SLX4: variants seen among roughly 807,000 people sequenced by gnomAD.
SLX4 encodes SLX4 structure-specific endonuclease subunit, also known as structure-specific endonuclease subunit SLX4.
SLX4 carries 112 observed loss-of-function variants against 146.2 expected under a neutral mutation model. The observed-to-expected ratio is 0.77, with a 90% confidence interval of 0.66 to 0.90. The LOEUF is 0.90. Among genes scored for constraint, SLX4 ranks in the 40% least tolerant of loss-of-function variants. The pLI, the probability that SLX4 is intolerant of heterozygous loss-of-function variation, is 0.00. For missense variants in SLX4, 2,563 were observed against 2,392.7 expected, an observed-to-expected ratio of 1.07 and a Z score of -1.49; for synonymous variants, 1,061 against 997.7, an observed-to-expected ratio of 1.06 and a Z score of -1.20.
In SLX4 at chr16:3,588,889, G is replaced by A. The variant is rs1339522212; in HGVS notation, c.4636+113C>T. On this transcript the variant is annotated intron_variant, in intron 12 of 14. Coordinates refer to ENST00000294008, the MANE Select transcript of SLX4 (RefSeq NM_032444.4). ...AAGGCAGCGGAAGTGTCATGCCTCA[G>A]GTCAGCAGGCATTCAGAGGGCAGCC... 6 of 1,336,326 alleles carry A rather than the reference G, an allele frequency of 4.5e-6. No individual in the cohort carries two copies. In the South Asian group the frequency reaches 7.1e-5, roughly 16 times the overall value. 82.8% of individuals were successfully genotyped at this position (1,336,326 alleles called of 1,614,324 possible). A position where few individuals can be genotyped will look rare whatever the true frequency, so the allele number is the denominator to read the frequency against.
At position 3,589,707 on chromosome 16, in the gene SLX4, T is replaced by C. The variant is rs1196234101; in HGVS notation, c.3931A>G (p.Ile1311Val). 3 of 1,613,854 alleles carry C rather than the reference T, an allele frequency of 1.9e-6. No homozygotes were observed. Among genetic ancestry groups the C allele is most frequent in the Admixed American group, 1.7e-5 (1 of 60,002 alleles). ...GNEVAQKFSV[I>V]RPQTPPPQTP... ...TGGGGCGGTGGTGTCTGGGGCCTGA[T>C]GACAGAAAACTTCTGTGCGACTTCG... Residue 1311 changes from isoleucine (I) to valine (V), a missense_variant, in exon 12 of 15, where the codon ATC becomes GTC. By Grantham distance (29) the Ile-to-Val change is conservative. Transcript: ENST00000294008. The surrounding 1 kb of genome is among the most constrained non-coding windows in gnomAD (Gnocchi z 6.2).
rs1478280305 is a variant in SLX4, at chr16:3,589,317, A to G, written c.4321T>C (p.Trp1441Arg). The change falls in exon 12 of 15, where the codon TGG (tryptophan) becomes CGG (arginine). Residue 1441 changes from tryptophan to arginine, a missense_variant. Physicochemically the swap from Trp to Arg is moderately radical, Grantham distance 101 (BLOSUM62 -3). Transcript: ENST00000294008. The surrounding 1 kb of genome is among the most constrained non-coding windows in gnomAD (Gnocchi z 6.2). ...EPLSPIPIDH[W>R]NLERTGPLST... ...AGGGGGCCGGTCCGCTCCAGGTTCC[A>G]GTGGTCAATGGGAATTGGCGAGAGG... 6.3e-7 allele frequency: 1 copy of G among 1,579,932 alleles called. No individual in the cohort carries two copies. The highest frequency in any genetic ancestry group is 2.2e-5 in the East Asian group (1 of 44,508).
chr16:3,592,993 C>T lies in SLX4; in HGVS notation c.2161-128G>A, dbSNP rs936886551. On this transcript the variant is annotated intron_variant, in intron 10 of 14. Coordinates refer to ENST00000294008, the MANE Select transcript of SLX4 (RefSeq NM_032444.4). Reference sequence around the variant, plus strand: ...TTTCTTTTTAGAGACAGTGTCTCCCCTTGTCACCCAGGCTAGAGTACAGTG... The same window carrying T: ...TTTCTTTTTAGAGACAGTGTCTCCCTTTGTCACCCAGGCTAGAGTACAGTG... 1.1e-5 allele frequency: 10 copies of T among 930,056 alleles called. No homozygotes were observed. The East Asian group carries it at 2.6e-4, about 25-fold the overall frequency. 57.6% of individuals were successfully genotyped at this position (930,056 alleles called of 1,614,324 possible).
rs145710480 is a variant in SLX4, at chr16:3,601,929, G to A, written c.950+189C>T. 1.4e-3 allele frequency: 879 copies of A among 644,554 alleles called. 8 individuals carry two copies. In the African/African-American group the frequency reaches 0.014, roughly 10 times the overall value. 39.9% of individuals were successfully genotyped at this position (644,554 alleles called of 1,614,324 possible). On this transcript the variant is annotated intron_variant, in intron 4 of 14. Coordinates refer to ENST00000294008, the MANE Select transcript of SLX4 (RefSeq NM_032444.4). ...TATCCCAAAAGTAGTGATTTGTTCA[G>A]TTTAAATGGGTGAACTATATGTTCT...
At chr16:3,603,739 T>C (rs989747820) in intron 3 of SLX4, among the ~76,000 whole-genome samples, 2 of 152,246 alleles carry the variant, frequency 1.3e-5, no homozygotes, top group South Asian at 4.1e-4. Context: ...ATTACGCTTA[T>C]TGGGCCGGTG....
intron 5 of SLX4, among the ~76,000 whole-genome samples, chr16:3,598,491 G>A (rs924208680): frequency 4.9e-4 from 75 of 152,314 alleles, no homozygotes; most frequent in Admixed American, 2.5e-3. Flanking sequence ...TTAGGCTGCC[G>A]ATGGTCAACA....
Position 3,590,532 on chromosome 16 carries a change from G to A in SLX4, c.3106C>T (p.Leu1036=), listed in dbSNP as rs781572774. The A allele has an allele frequency of 4.3e-6, 7 of 1,613,160 alleles. No individual in the cohort carries two copies. In the Admixed American group the frequency reaches 1.2e-4, roughly 27 times the overall value. ...CTCCCGCCCTGGGGAGGCCCCAATA[G>A]GAAGCGGCACGGGTGCGGTGGAGAT... ...QASPPHPCRF[L]LGPPQGGSPR... is the part of the protein sequence containing the mutation. The change falls in exon 12 of 15, where the codon CTA becomes TTA. Residue 1036 remains leucine, a synonymous_variant. Transcript: ENST00000294008. The surrounding 1 kb of genome is among the most constrained non-coding windows in gnomAD (Gnocchi z 4.8).
intron 5 of SLX4, among the ~76,000 whole-genome samples, chr16:3,599,938 A>G (rs1295452125): frequency 6.6e-6 from 1 of 152,170 alleles, no homozygotes; most frequent in Non-Finnish European, 1.5e-5. Context: ...CAGTGTGAAA[A>G]CTGGACTGTG....
At chr16:3,588,132 C>T (rs888511338) in intron 12 of SLX4, among the ~76,000 whole-genome samples, 2 of 152,208 alleles carry the variant, frequency 1.3e-5, no homozygotes, top group Admixed American at 1.3e-4. Context: ...AATTCAGTGG[C>T]ATTAAGTATT....
Position 3,597,326 on chromosome 16 carries a change from G to A in SLX4, c.1683+53C>T. 1.4e-6 allele frequency: 2 copies of A among 1,469,744 alleles called. No homozygotes were observed. The highest frequency in any genetic ancestry group is 2.8e-5 in the South Asian group (2 of 71,312). 91.0% of individuals were successfully genotyped at this position (1,469,744 alleles called of 1,614,324 possible). On this transcript the variant is annotated intron_variant, in intron 7 of 14. Transcript: ENST00000294008. This position sits in a 1 kb window ranked among gnomAD's most constrained non-coding sequence, Gnocchi z 4.4. ...TGGGTACCCAGTGTTGCAGTTCTGG[G>A]ATTGCCAACCTCCCCCAAAAGCCTA...
Position 3,609,235 on chromosome 16 carries a change from C to T in SLX4, c.-271G>A, listed in dbSNP as rs149773885. On this transcript the variant is annotated 5_prime_UTR_variant, in exon 2 of 15. Transcript: ENST00000294008. ...CAGCCTGGCCAATATGGTGAAACCT[C>T]GTTTCAACTGAAAATACAAAAAATT... 97 of 379,058 alleles carry T rather than the reference C, an allele frequency of 2.6e-4. No homozygotes were observed. Among genetic ancestry groups the T allele is most frequent in the Middle Eastern group, 8.1e-4 (1 of 1,228 alleles). 23.5% of individuals were successfully genotyped at this position (379,058 alleles called of 1,614,324 possible).
chr16:3,587,925 C>A (rs529925362), intron 12 of SLX4, among the ~76,000 whole-genome samples: 1 of 152,284 alleles, frequency 6.6e-6, no homozygotes, highest in African/African-American at 2.4e-5. Flanking sequence ...CCCGGAGGTG[C>A]CTGGATGGGA....
Position 3,583,090 on chromosome 16 carries a change from C to G in SLX4, c.5153+7G>C. The stretch of plus-strand genomic sequence containing the variant: ...GGCCACTGACCCCATCGCATCCATC[C>G]GGTTACCTCTGTGAGCTCAAGGAGC... On this transcript the variant is annotated splice_region_variant and intron_variant, in intron 14 of 14. Transcript: ENST00000294008. 1 of 1,614,208 alleles carries G rather than the reference C, an allele frequency of 6.2e-7. No individual in the cohort carries two copies. The highest frequency in any genetic ancestry group is 8.5e-7 in the Non-Finnish European group (1 of 1,180,018).
At position 3,589,092 on chromosome 16, in the gene SLX4, C is replaced by CT. The variant is rs1323421449; in HGVS notation, c.4545_4546insA (p.Gly1516ArgfsTer34). The CT allele has an allele frequency of 3.7e-6, 6 of 1,613,970 alleles. No individual in the cohort carries two copies. The African/African-American group carries it at 6.7e-5, about 18-fold the overall frequency. The stretch of plus-strand genomic sequence containing the variant: ...GTCTCTGGAGGCCTCTGCTCTTCCC[C>CT]GTCCCAAACGTCCCACAGAGCCGAA... On this transcript the variant is annotated frameshift_variant, in exon 12 of 15. Coordinates refer to ENST00000294008, the MANE Select transcript of SLX4 (RefSeq NM_032444.4). LOFTEE classifies it high-confidence loss of function. The surrounding 1 kb of genome is among the most constrained non-coding windows in gnomAD (Gnocchi z 6.2).
At chr16:3,604,619 C>T (rs921157357) in intron 3 of SLX4, among the ~76,000 whole-genome samples, 1 of 151,874 alleles carries the variant, frequency 6.6e-6, no homozygotes. Context: ...TCAGGAGTTC[C>T]AGAACAGCCT....
At position 3,582,619 on chromosome 16, in the gene SLX4, G is replaced by C; in HGVS notation, c.5228C>G (p.Ser1743Trp). ...EEEGEGEVSA[S>W]QAAVQAADTD... ...GTCCGCCGCCTGCACGGCTGCCTGC[G>C]AGGCACTGACCTCCCCCTCGCCCTC... is the stretch of plus-strand genomic sequence containing the variant. Residue 1743 changes from serine to tryptophan, a missense_variant, in exon 15 of 15, where the codon TCG (serine) becomes TGG (tryptophan). Physicochemically the swap from Ser to Trp is radical, Grantham distance 177. Coordinates refer to ENST00000294008, the MANE Select transcript of SLX4 (RefSeq NM_032444.4). 6.2e-7 allele frequency: 1 copy of C among 1,613,568 alleles called. No individual in the cohort carries two copies. The highest frequency in any genetic ancestry group is 8.5e-7 in the Non-Finnish European group (1 of 1,180,044).
intron 11 of SLX4, among the ~76,000 whole-genome samples, chr16:3,592,114 G>C (rs556265172): frequency 3.9e-5 from 6 of 152,272 alleles, no homozygotes; most frequent in Non-Finnish European, 7.3e-5. Context: ...TCTGTGGCCC[G>C]TCAGTATATT....
chr16:3,588,657 C>G (rs764823574), intron 12 of SLX4, among the ~76,000 whole-genome samples: 1 of 152,226 alleles, frequency 6.6e-6, no homozygotes, highest in Non-Finnish European at 1.5e-5. Context: ...CTGGTCCAAT[C>G]TTAAGGCATG....
chr16:3,585,012 A>G, intron 12 of SLX4, 141 bp from the exon 13 acceptor site: 1 of 722,130 alleles, frequency 1.4e-6, no homozygotes, highest in South Asian at 1.4e-5. Flanking sequence ...AACAGTGGTC[A>G]CCCCTTCCCT....
Sources: allele counts gnomAD v4.1 joint callset (sites outside exome capture counted in the v4.1 genomes callset), GRCh38; gene constraint gnomAD v4.1.1; non-coding constraint Gnocchi (gnomAD v3.1); transcripts MANE v1.5; gene names NCBI Gene and HGNC (gene_info 2026-07-23, HGNC 2026-07-21).